Variants in TEAD4 observed in about 807,000 individuals in gnomAD.
TEAD4 encodes TEA domain transcription factor 4.
TEAD4 carries 36 observed loss-of-function variants against 52.4 expected under a neutral mutation model. The observed-to-expected ratio is 0.69, with a 90% confidence interval of 0.53 to 0.91. The LOEUF (loss-of-function observed/expected upper bound fraction) is 0.91, where lower values mean the gene tolerates loss of function less well. TEAD4 is among the 40% of genes least tolerant of loss of function. TEAD4 has a pLI of 0.00. For missense variants in TEAD4, 508 were observed against 583.9 expected (o/e 0.87, Z 1.34); for synonymous variants, 220 against 231.0 (o/e 0.95, Z 0.43).
chr12:2,985,413 C>T (rs1449598226), intron 2 of TEAD4, among the ~76,000 whole-genome samples: 5 of 151,550 alleles, frequency 3.3e-5, no homozygotes, highest in Non-Finnish European at 5.9e-5. Context: ...AAAACAAAAC[C>T]CAAAAACGCA....
Position 2,971,721 on chromosome 12 carries a change from C to T in TEAD4, c.-30+11681C>T, listed in dbSNP as rs1043464173. The stretch of plus-strand genomic sequence containing the variant: ...CGATCTCCTGACCTCATGATCTGCC[C>T]GCCACGGCCTCCCAAAGTGCTGGGA... On this transcript the variant is annotated intron_variant, in intron 2 of 12. Transcript: ENST00000359864. Among the ~76,000 whole-genome samples, 11 of 151,752 alleles carry T rather than the reference C, an allele frequency of 7.2e-5. No homozygotes were observed. The East Asian group carries it at 1.2e-3, about 16-fold the overall frequency.
chr12:2,977,335 C>A (rs1037574602), intron 2 of TEAD4, among the ~76,000 whole-genome samples: 1 of 152,166 alleles, frequency 6.6e-6, no homozygotes, highest in South Asian at 2.1e-4. Context: ...TCTCCCTTTC[C>A]CCCTTCCCTT....
At chr12:3,028,701 G>T (rs1333706371) in intron 10 of TEAD4, among the ~76,000 whole-genome samples, 2 of 151,948 alleles carry the variant, frequency 1.3e-5, no homozygotes, top group African/African-American at 2.4e-5. Flanking sequence ...CGTAATTTTG[G>T]CTCACTGCAA....
chr12:3,006,116 G>A (rs1003204728), intron 3 of TEAD4, among the ~76,000 whole-genome samples: 1 of 152,084 alleles, frequency 6.6e-6, no homozygotes, highest in Non-Finnish European at 1.5e-5. Flanking sequence ...GATTATATAC[G>A]TATATCATAA....
Position 3,040,267 on chromosome 12 carries a change from G to A in TEAD4, c.1191+8G>A, listed in dbSNP as rs1294929732. Reference sequence around the variant, plus strand: ...AACTTCACCATCCTGCAGGTGTGCGGCGGGTGCTGCGGGTGTGGCTGGAGT... The same window carrying A: ...AACTTCACCATCCTGCAGGTGTGCGACGGGTGCTGCGGGTGTGGCTGGAGT... On this transcript the variant is annotated splice_region_variant and intron_variant, in intron 12 of 12. Coordinates refer to ENST00000359864, the MANE Select transcript of TEAD4 (RefSeq NM_003213.4). 5.6e-6 allele frequency: 9 copies of A among 1,614,154 alleles called. No individual in the cohort carries two copies. The highest frequency in any genetic ancestry group is 1.3e-5 in the African/African-American group (1 of 75,048).
At chr12:3,035,658 A>G (rs142771847) in intron 10 of TEAD4, among the ~76,000 whole-genome samples, 354 of 152,168 alleles carry the variant, frequency 2.3e-3, no homozygotes, top group African/African-American at 7.9e-3. Context: ...TGCCTCTACA[A>G]AAAATTTAAA....
chr12:3,029,948 G>A (rs561899590), intron 10 of TEAD4, among the ~76,000 whole-genome samples: 4 of 152,088 alleles, frequency 2.6e-5, no homozygotes, highest in South Asian at 4.1e-4. Context: ...TTTCTCCAGA[G>A]ACGATTCATC....
At chr12:2,997,539 CAG>C (rs1046351670) in intron 3 of TEAD4, among the ~76,000 whole-genome samples, 1 of 146,660 alleles carries the variant, frequency 6.8e-6, no homozygotes, top group African/African-American at 2.7e-5. Flanking sequence ...TGAGAAAGGG[CAG>C]GGGGAGTGTA....
At chr12:3,035,283 G>A (rs1259782841) in intron 10 of TEAD4, among the ~76,000 whole-genome samples, 3 of 152,176 alleles carry the variant, frequency 2.0e-5, no homozygotes, top group Non-Finnish European at 4.4e-5. Flanking sequence ...GGGACCATGC[G>A]CGGTTAAAAT....
At chr12:3,006,219 T>C (rs1174644118) in intron 3 of TEAD4, among the ~76,000 whole-genome samples, 1 of 152,218 alleles carries the variant, frequency 6.6e-6, no homozygotes, top group African/African-American at 2.4e-5. Flanking sequence ...TTTTGAGATG[T>C]GTGCCTCGAA....
chr12:3,029,429 G>A (rs1022163856), intron 10 of TEAD4, among the ~76,000 whole-genome samples: 5 of 151,912 alleles, frequency 3.3e-5, no homozygotes, highest in East Asian at 1.9e-4. Context: ...TAGTAGAGAC[G>A]GGGTTTCACT....
intron 2 of TEAD4, among the ~76,000 whole-genome samples, chr12:2,989,336 G>A (rs1351896910): frequency 1.3e-5 from 2 of 152,010 alleles, no homozygotes; most frequent in Non-Finnish European, 2.9e-5. Context: ...ATGATTTTTT[G>A]TTTGGGTTTT....
intron 2 of TEAD4, among the ~76,000 whole-genome samples, chr12:2,978,376 GTTT>G (rs36048636): frequency 1.4e-3 from 203 of 148,088 alleles, no homozygotes; most frequent in African/African-American, 4.3e-3. Flanking sequence ...GTAAGTGCCT[GTTT>G]TTTTTTTTTG....
At chr12:2,980,560 C>G (rs2098233322) in intron 2 of TEAD4, among the ~76,000 whole-genome samples, 1 of 151,612 alleles carries the variant, frequency 6.6e-6, no homozygotes, top group Admixed American at 6.6e-5. Context: ...TGGTGAAACC[C>G]CACCTCTACT....
At chr12:3,035,112 T>TA (rs1166367043) in intron 10 of TEAD4, among the ~76,000 whole-genome samples, 2 of 91,106 alleles carry the variant, frequency 2.2e-5, no homozygotes, top group Admixed American at 1.4e-4. Context: ...AAAAATAAAA[T>TA]TAAAAAAATA....
Position 3,019,080 on chromosome 12 carries a change from C to T in TEAD4, c.528-35C>T, listed in dbSNP as rs746576199. The T allele has an allele frequency of 1.9e-5, 31 of 1,613,302 alleles. 1 individual carries two copies. In the East Asian group the frequency reaches 2.2e-4, roughly 12 times the overall value. On this transcript the variant is annotated intron_variant, in intron 7 of 12. Transcript: ENST00000359864. ...CAGGGATCCGGGGCGGTGGCCTGCC[C>T]GAGGCTGACACCTCCCCTCCTCTCT...
intron 10 of TEAD4, among the ~76,000 whole-genome samples, chr12:3,033,564 C>T (rs1261726450): frequency 6.6e-6 from 1 of 152,206 alleles, no homozygotes; most frequent in Non-Finnish European, 1.5e-5. Flanking sequence ...GCCTGCTCTT[C>T]CCTTTCAGTC....
Position 2,984,178 on chromosome 12 carries a change from C to T in TEAD4, c.-29-10560C>T, listed in dbSNP as rs192727235. Among the ~76,000 whole-genome samples, 608 of 152,100 alleles carry T rather than the reference C, an allele frequency of 4.0e-3. 3 individuals are homozygous for T. Among genetic ancestry groups the T allele is most frequent in the African/African-American group, 0.014 (583 of 41,492 alleles). On this transcript the variant is annotated intron_variant, in intron 2 of 12. Transcript: ENST00000359864. ...AAGTACAGAGGGTGGTGCCTGTGTG[C>T]GGAAGGTATGGCCGGAGAGCAGGGA...
chr12:3,039,498 G>A (rs11831777), intron 11 of TEAD4, among the ~76,000 whole-genome samples: 13,272 of 152,104 alleles, frequency 0.087, 1,736 homozygotes, highest in African/African-American at 0.29. Flanking sequence ...AGGGAAATTT[G>A]CATGATCACC....
Sources: allele counts gnomAD v4.1 joint callset (sites outside exome capture counted in the v4.1 genomes callset), GRCh38; gene constraint gnomAD v4.1.1; transcripts MANE v1.5; gene names NCBI Gene and HGNC (gene_info 2026-07-23, HGNC 2026-07-21).